The following HIPK2 variants were observed in gnomAD, a reference collection of about 807,000 sequenced individuals.
The protein encoded by HIPK2 is homeodomain interacting protein kinase 2, also known as homeodomain-interacting protein kinase 2.
Under a neutral mutation model 113.7 loss-of-function variants are expected in HIPK2, and 27 were observed. The observed-to-expected ratio is 0.24, with a 90% CI of 0.17 to 0.33. The LOEUF is 0.33. HIPK2 is among the 10% of genes least tolerant of loss of function. The pLI is 1.00. For synonymous variants in HIPK2, 631 were observed against 642.2 expected, an observed-to-expected ratio of 0.98 and a Z score of 0.26; for missense variants, 1,257 against 1,588.0, an observed-to-expected ratio of 0.79 and a Z score of 3.54.
At chr7:139,618,670 G>A (rs889583160) in intron 7 of HIPK2, among the ~76,000 whole-genome samples, 2 of 152,184 alleles carry the variant, frequency 1.3e-5, no homozygotes, top group African/African-American at 4.8e-5. Flanking sequence ...CCCCCACCCC[G>A]CGTCTGGTCA....
chr7:139,643,142 C>T (rs1431073219), intron 2 of HIPK2, among the ~76,000 whole-genome samples: 1 of 152,134 alleles, frequency 6.6e-6, no homozygotes, highest in African/African-American at 2.4e-5. Context: ...GTATCTTCAG[C>T]TATCACCAAT....
intron 10 of HIPK2, among the ~76,000 whole-genome samples, chr7:139,601,439 T>C (rs1462803462): frequency 6.6e-6 from 1 of 152,242 alleles, no homozygotes; most frequent in Non-Finnish European, 1.5e-5. Flanking sequence ...GGGAGCCATA[T>C]GCTTCTGGTG....
At chr7:139,647,773 A>G (rs1326359667) in intron 2 of HIPK2, among the ~76,000 whole-genome samples, 2 of 152,264 alleles carry the variant, frequency 1.3e-5, no homozygotes, top group South Asian at 2.1e-4. Flanking sequence ...AATTAAACCC[A>G]TAAAAAAACC....
At chr7:139,730,799 C>T (rs944361306) in intron 1 of HIPK2, among the ~76,000 whole-genome samples, 1 of 152,172 alleles carries the variant, frequency 6.6e-6, no homozygotes, top group Non-Finnish European at 1.5e-5. Flanking sequence ...AATCAAGTTA[C>T]AATAAATTCA....
chr7:139,729,220 G>T (rs996695180), intron 1 of HIPK2, among the ~76,000 whole-genome samples: 7 of 152,058 alleles, frequency 4.6e-5, no homozygotes. Context: ...AGCTATTCGG[G>T]AGGCTGAGGT....
chr7:139,706,491 G>A (rs1020775478), intron 2 of HIPK2, among the ~76,000 whole-genome samples: 1 of 152,168 alleles, frequency 6.6e-6, no homozygotes. Context: ...GCAGGCATTC[G>A]GTCATTCACT....
intron 9 of HIPK2, among the ~76,000 whole-genome samples, chr7:139,607,582 G>T (rs1362356668): frequency 6.6e-6 from 1 of 152,118 alleles, no homozygotes; most frequent in African/African-American, 2.4e-5. Context: ...TGGGAAAAAT[G>T]AGGCAATCAT....
chr7:139,774,593 T>C (rs765867072), intron 1 of HIPK2, among the ~76,000 whole-genome samples: 3 of 152,236 alleles, frequency 2.0e-5, no homozygotes, highest in Non-Finnish European at 2.9e-5. Flanking sequence ...GTCCATCTGA[T>C]GATGAATTGC....
chr7:139,752,144 C>T (rs550291804), intron 1 of HIPK2, among the ~76,000 whole-genome samples: 3 of 152,324 alleles, frequency 2.0e-5, no homozygotes, highest in South Asian at 4.1e-4. Flanking sequence ...GAGACACCAG[C>T]CATGCATGTG....
Position 139,566,428 on chromosome 7 carries a change from AGT to A in HIPK2, c.*6497_*6498del, listed in dbSNP as rs1382818869. 2 of 152,242 alleles carry A rather than the reference AGT, an allele frequency of 1.3e-5. No homozygotes were observed. The highest frequency in any genetic ancestry group is 4.8e-5 in the African/African-American group (2 of 41,442). The allele number at this position is 152,242 out of a possible 1,614,324, so 9.4% of individuals were successfully genotyped here. A position where few individuals can be genotyped will look rare whatever the true frequency, so the allele number is the denominator to read the frequency against. On this transcript the variant is annotated 3_prime_UTR_variant, in exon 15 of 15. Coordinates refer to ENST00000406875, the MANE Select transcript of HIPK2 (RefSeq NM_022740.5). The surrounding 1 kb of genome is among the most constrained non-coding windows in gnomAD (Gnocchi z 4.1). Reference sequence around the variant, plus strand: ...ACAACCCATGAGCAATTCCCAGCACAGTGTGTGGCATGCAGGAAGCGGGAGTA... The same window carrying A: ...ACAACCCATGAGCAATTCCCAGCACAGTGTGGCATGCAGGAAGCGGGAGTA...
chr7:139,664,245 T>C lies in HIPK2; in HGVS notation c.1104-32520A>G, dbSNP rs372058160. On this transcript the variant is annotated intron_variant, in intron 2 of 14. Coordinates refer to ENST00000406875, the MANE Select transcript of HIPK2 (RefSeq NM_022740.5). ...ACCCTTCTTTCTCAACTACAATAAGTAGCTTGAGGGGTTGGGTATAGTGGC... is the reference window on the plus strand; with the variant it reads ...ACCCTTCTTTCTCAACTACAATAAGCAGCTTGAGGGGTTGGGTATAGTGGC... 2.8e-4 allele frequency among the ~76,000 whole-genome samples: 42 copies of C among 152,330 alleles called. No individual in the cohort carries two copies. In the South Asian group the frequency reaches 8.1e-3, roughly 29 times the overall value.
Position 139,754,359 on chromosome 7 carries a change from G to C in HIPK2, c.19+23246C>G, listed in dbSNP as rs1437451980. Reference sequence around the variant, plus strand: ...TGCATTACTGCTGAACAGAACTGAGGGCCATCAAGACCACTTTGTGGAGGC... The same window carrying C: ...TGCATTACTGCTGAACAGAACTGAGCGCCATCAAGACCACTTTGTGGAGGC... On this transcript the variant is annotated intron_variant, in intron 1 of 14. Transcript: ENST00000406875. 2.0e-5 allele frequency among the ~76,000 whole-genome samples: 3 copies of C among 152,138 alleles called. No homozygotes were observed. The East Asian group carries it at 5.8e-4, about 29-fold the overall frequency.
chr7:139,761,142 G>A (rs1428331663), intron 1 of HIPK2, among the ~76,000 whole-genome samples: 1 of 152,208 alleles, frequency 6.6e-6, no homozygotes, highest in Admixed American at 6.5e-5. Flanking sequence ...CACAGATCCT[G>A]CCTTTCCAGT....
At chr7:139,584,935 G>A (rs184610103) in intron 12 of HIPK2, among the ~76,000 whole-genome samples, 36 of 152,290 alleles carry the variant, frequency 2.4e-4, no homozygotes, top group Admixed American at 3.9e-4. Context: ...CTCTTGGCCG[G>A]CATGTTTGTT....
chr7:139,635,086 C>T (rs1800762930), intron 2 of HIPK2, among the ~76,000 whole-genome samples: 1 of 152,228 alleles, frequency 6.6e-6, no homozygotes, highest in African/African-American at 2.4e-5. Context: ...TGGCCTCCTG[C>T]CTCCTCTCAC....
chr7:139,738,012 G>A (rs556979248), intron 1 of HIPK2, among the ~76,000 whole-genome samples: 12 of 152,322 alleles, frequency 7.9e-5, no homozygotes, highest in African/African-American at 2.6e-4. Context: ...CTGCACATGA[G>A]TTAGAGAAAG....
intron 2 of HIPK2, among the ~76,000 whole-genome samples, chr7:139,673,196 T>C (rs1802366767): frequency 6.6e-6 from 1 of 151,248 alleles, no homozygotes; most frequent in Non-Finnish European, 1.5e-5. Context: ...CTGGGGCCCG[T>C]GGAGAGAGAA....
rs1800588902 is a variant in HIPK2 at position 139,630,904 on chromosome 7, C to A, written c.1347+261G>T. ...GAGTGGGGTTCGTTTCTCTCCCTAG[C>A]ACAAATCAGACAGTCATCAAGGCTT... On this transcript the variant is annotated intron_variant, in intron 4 of 14. Transcript: ENST00000406875. This position sits in a 1 kb window ranked among gnomAD's most constrained non-coding sequence, Gnocchi z 4.0. 6.6e-6 allele frequency among the ~76,000 whole-genome samples: 1 copy of A among 152,224 alleles called. No individual in the cohort carries two copies. The highest frequency in any genetic ancestry group is 1.5e-5 in the Non-Finnish European group (1 of 68,040).
chr7:139,577,140 CTTTTTTTTTTTTTTT>C (rs966966045), intron 13 of HIPK2, among the ~76,000 whole-genome samples: 2 of 91,434 alleles, frequency 2.2e-5, no homozygotes, highest in Admixed American at 1.3e-4. Flanking sequence ...ACTGGGCTTC[CTTTTTTTTTTTTTTT>C]TTTTTTTTTT....
Sources: allele counts gnomAD v4.1 joint callset (sites outside exome capture counted in the v4.1 genomes callset), GRCh38; gene constraint gnomAD v4.1.1; non-coding constraint Gnocchi (gnomAD v3.1); transcripts MANE v1.5; gene names NCBI Gene and HGNC (gene_info 2026-07-23, HGNC 2026-07-21).